The following ABTB2 variants were observed in gnomAD, a reference collection of about 807,000 sequenced individuals.
ABTB2 encodes the protein ankyrin repeat and BTB/POZ domain-containing protein 2.
Under a neutral mutation model 104.1 loss-of-function variants are expected in ABTB2, and 56 were observed. The observed-to-expected ratio is 0.54, with a 90% CI of 0.43 to 0.67. The LOEUF (loss-of-function observed/expected upper bound fraction) is 0.67, where lower values mean the gene tolerates loss of function less well. Among genes scored for constraint, ABTB2 ranks in the 30% least tolerant of loss-of-function variants. The pLI, the probability that ABTB2 is intolerant of heterozygous loss-of-function variation, is 0.00. For missense variants in ABTB2, 1,279 were observed against 1,407.7 expected, an observed-to-expected ratio of 0.91 and a Z score of 1.46; for synonymous variants, 606 against 608.2, an observed-to-expected ratio of 1.00 and a Z score of 0.05.
chr11:34,307,971 C>A (rs1017229638), intron 1 of ABTB2, among the ~76,000 whole-genome samples: 1 of 152,236 alleles, frequency 6.6e-6, no homozygotes, highest in Non-Finnish European at 1.5e-5. Context: ...GCTGGGATTA[C>A]AGGCGTGAGC....
At chr11:34,320,605 C>G (rs1170863530) in intron 1 of ABTB2, among the ~76,000 whole-genome samples, 1 of 152,202 alleles carries the variant, frequency 6.6e-6, no homozygotes, top group East Asian at 1.9e-4. Flanking sequence ...ATTGGGTGGG[C>G]TGGCTGCCTC....
At chr11:34,228,142 C>T (rs1308328321) in intron 1 of ABTB2, among the ~76,000 whole-genome samples, 1 of 73,546 alleles carries the variant, frequency 1.4e-5, no homozygotes, top group African/African-American at 4.6e-5. Flanking sequence ...TCACTGCAAC[C>T]TCTGCATCCC....
At chr11:34,195,075 C>CAG (rs1554982287) in intron 3 of ABTB2, among the ~76,000 whole-genome samples, 1 of 18,066 alleles carries the variant, frequency 5.5e-5, no homozygotes, top group Non-Finnish European at 2.0e-4. Flanking sequence ...AGATGCCCGG[C>CAG]GGGGGGGGGG....
chr11:34,162,342 G>A (rs4756109), intron 10 of ABTB2, among the ~76,000 whole-genome samples: 119,568 of 152,144 alleles, frequency 0.79, 48,995 homozygotes, highest in East Asian at 0.99. Flanking sequence ...AGGGGACTGG[G>A]CCATGACCCC....
In ABTB2 at chr11:34,331,854, G is replaced by A. The variant is rs533030165; in HGVS notation, c.883+24847C>T. 2.0e-5 allele frequency among the ~76,000 whole-genome samples: 3 copies of A among 152,340 alleles called. No individual in the cohort carries two copies. In the South Asian group the frequency reaches 6.2e-4, roughly 32 times the overall value. ...TTGCTGCTAGCAAAAGTGTTAAGTA[G>A]TTCAGTAAAAGCCAAACCTCATTTA... On this transcript the variant is annotated intron_variant, in intron 1 of 16. Coordinates refer to ENST00000435224, the MANE Select transcript of ABTB2 (RefSeq NM_145804.3).
intron 1 of ABTB2, among the ~76,000 whole-genome samples, chr11:34,341,028 T>A (rs1474259657): frequency 6.6e-6 from 1 of 152,184 alleles, no homozygotes; most frequent in Non-Finnish European, 1.5e-5. Context: ...TCCATCATCT[T>A]GAAATCAGCA....
At position 34,357,835 on chromosome 11, in the gene ABTB2, C is replaced by G. The variant is rs1564941162; in HGVS notation, c.-252G>C. ...CTGGAAAGAACCCCGTCGCTACCCC[C>G]CGGCACTCCCCCTTGTCCACCTCTA... On this transcript the variant is annotated 5_prime_UTR_variant, in exon 1 of 17. Coordinates refer to ENST00000435224, the MANE Select transcript of ABTB2 (RefSeq NM_145804.3). 1 of 487,350 alleles carries G rather than the reference C, an allele frequency of 2.1e-6. No homozygotes were observed. Among genetic ancestry groups the G allele is most frequent in the East Asian group, 3.4e-5 (1 of 29,302 alleles). The allele number at this position is 487,350 out of a possible 1,614,324, so 30.2% of individuals were successfully genotyped here.
At chr11:34,244,150 G>C (rs1039604144) in intron 1 of ABTB2, among the ~76,000 whole-genome samples, 2 of 152,200 alleles carry the variant, frequency 1.3e-5, no homozygotes, top group East Asian at 1.9e-4. Context: ...TTCCCCAGGA[G>C]GGGGATGCTG....
At chr11:34,201,922 TC>T (rs1170026775) in intron 2 of ABTB2, among the ~76,000 whole-genome samples, 7 of 152,162 alleles carry the variant, frequency 4.6e-5, no homozygotes, top group African/African-American at 1.7e-4. Flanking sequence ...ACCTCATTCC[TC>T]CTAACACATG....
chr11:34,309,244 A>C (rs997288792), intron 1 of ABTB2, among the ~76,000 whole-genome samples: 3 of 152,214 alleles, frequency 2.0e-5, no homozygotes, highest in African/African-American at 7.2e-5. Flanking sequence ...GCAACTGACC[A>C]CATGTTCCCA....
intron 1 of ABTB2, among the ~76,000 whole-genome samples, chr11:34,315,273 T>C (rs1001372433): frequency 4.6e-5 from 7 of 152,204 alleles, no homozygotes; most frequent in African/African-American, 1.7e-4. Context: ...ACCAGGGCAC[T>C]GAGGTTCCTG....
chr11:34,290,611 G>C (rs1564924989), intron 1 of ABTB2, among the ~76,000 whole-genome samples: 1 of 152,200 alleles, frequency 6.6e-6, no homozygotes, highest in Non-Finnish European at 1.5e-5. Flanking sequence ...GGAAGCTGAG[G>C]TGGGAGGATT....
At chr11:34,248,616 T>C (rs1266939104) in intron 1 of ABTB2, among the ~76,000 whole-genome samples, 3 of 152,246 alleles carry the variant, frequency 2.0e-5, no homozygotes, top group Admixed American at 6.5e-5. Flanking sequence ...CCAAAGGTAC[T>C]GTTTGGGCCT....
intron 1 of ABTB2, among the ~76,000 whole-genome samples, chr11:34,235,160 C>T (rs1032559517): frequency 1.3e-5 from 2 of 152,110 alleles, no homozygotes; most frequent in Non-Finnish European, 2.9e-5. Flanking sequence ...CGTGCCCGGC[C>T]GAGATTATTG....
chr11:34,175,317 G>A (rs936741111), intron 3 of ABTB2, among the ~76,000 whole-genome samples: 8 of 152,218 alleles, frequency 5.3e-5, no homozygotes, highest in Non-Finnish European at 1.2e-4. Flanking sequence ...TATCCTAAGC[G>A]AAAACGCATT....
intron 1 of ABTB2, among the ~76,000 whole-genome samples, chr11:34,236,694 G>C (rs1427378044): frequency 1.1e-4 from 17 of 152,206 alleles, no homozygotes; most frequent in Admixed American, 1.0e-3. Context: ...CATCAGGCCT[G>C]TTAGCCAGGC....
At chr11:34,243,095 C>T (rs1853939537) in intron 1 of ABTB2, among the ~76,000 whole-genome samples, 2 of 152,142 alleles carry the variant, frequency 1.3e-5, no homozygotes, top group South Asian at 4.2e-4. Context: ...GCCAGTGGAA[C>T]TTTCTACCTT....
intron 3 of ABTB2, among the ~76,000 whole-genome samples, chr11:34,191,629 AG>A (rs1003816871): frequency 5.3e-5 from 8 of 152,274 alleles, no homozygotes; most frequent in Non-Finnish European, 8.8e-5. Flanking sequence ...GCAGCATGGG[AG>A]GGGCTTCCTG....
chr11:34,335,383 C>A, intron 1 of ABTB2: 1 of 842,996 alleles, frequency 1.2e-6, no homozygotes, highest in Non-Finnish European at 2.1e-6. Context: ...ATTTCCTTAG[C>A]AACATTGATG....
Sources: allele counts gnomAD v4.1 joint callset (sites outside exome capture counted in the v4.1 genomes callset), GRCh38; gene constraint gnomAD v4.1.1; transcripts MANE v1.5; gene names NCBI Gene and HGNC (gene_info 2026-07-23, HGNC 2026-07-21).